Variants in FAM221A observed in about 807,000 individuals in gnomAD.
FAM221A encodes family with sequence similarity 221 member A.
In FAM221A, 43 loss-of-function variants were observed where a neutral mutation model predicts 37.6. The ratio of observed to expected loss-of-function variants is 1.15; its 90% CI spans 0.90 to 1.48. FAM221A has a LOEUF of 1.48. Ranked by LOEUF, FAM221A falls within the 40% of genes most tolerant of loss-of-function variation. The pLI, the probability that FAM221A is intolerant of heterozygous loss-of-function variation, is 0.00. For synonymous variants in FAM221A, 135 were observed against 132.9 expected (o/e 1.02, Z -0.11); for missense variants, 361 against 361.5 (o/e 1.00, Z 0.01).
chr7:23,680,390 A>G (rs538706231), intron 1 of FAM221A, 107 bp downstream of exon 1: 68 of 832,858 alleles, frequency 8.2e-5, no homozygotes, highest in Non-Finnish European at 1.2e-4. Flanking sequence ...GGTTCCCGGA[A>G]TCTGTGCCTG....
At chr7:23,680,332 G>C in intron 1 of FAM221A, 49 bp downstream of exon 1, 1 of 1,471,174 alleles carries the variant, frequency 6.8e-7, no homozygotes, top group Non-Finnish European at 9.2e-7. Flanking sequence ...GAGGGGCCAG[G>C]ATCCCTGGGC....
intron 3 of FAM221A, among the ~76,000 whole-genome samples, chr7:23,689,704 T>C (rs1483722169): frequency 6.6e-6 from 1 of 152,202 alleles, no homozygotes; most frequent in Non-Finnish European, 1.5e-5. Context: ...CCTCATCTCA[T>C]ATAGTTCAGA....
chr7:23,688,507 A>G lies in FAM221A; in HGVS notation c.240-762A>G, dbSNP rs571461606. On this transcript the variant is annotated intron_variant, in intron 2 of 6. Coordinates refer to ENST00000344962, the MANE Select transcript of FAM221A (RefSeq NM_199136.5). ...AATATTGATAATTTATTTTGAAGTC[A>G]AAAGTCATATTAAAATAAATTACAT... 6 of 152,356 alleles carry G rather than the reference A, an allele frequency of 3.9e-5. No individual in the cohort carries two copies. In the South Asian group the frequency reaches 1.2e-3, roughly 32 times the overall value. The allele number at this position is 152,356 out of a possible 1,614,324, so 9.4% of individuals were successfully genotyped here. A position where few individuals can be genotyped will look rare whatever the true frequency, so the allele number is the denominator to read the frequency against.
chr7:23,686,193 A>G (rs11767546), intron 2 of FAM221A: 28,179 of 318,658 alleles, frequency 0.088, 1,506 homozygotes, highest in East Asian at 0.14. Context: ...TTCTTACACA[A>G]ATTTAGTGCC....
intron 3 of FAM221A, among the ~76,000 whole-genome samples, chr7:23,690,555 A>G (rs6461725): frequency 0.88 from 134,449 of 152,024 alleles, 59,664 homozygotes; most frequent in African/African-American, 0.96. Context: ...TTTTGTTAAT[A>G]GTATATTCTG....
At chr7:23,695,455 C>G (rs535697279) in intron 4 of FAM221A, among the ~76,000 whole-genome samples, 2 of 152,280 alleles carry the variant, frequency 1.3e-5, no homozygotes, top group African/African-American at 4.8e-5. Context: ...TCACTGCAAT[C>G]TCTGCCTCCT....
chr7:23,690,243 C>T (rs1230716002), intron 3 of FAM221A, among the ~76,000 whole-genome samples: 2 of 134,998 alleles, frequency 1.5e-5, no homozygotes, highest in African/African-American at 5.5e-5. Context: ...CACCCAGGCT[C>T]TTGTCACCAG....
At position 23,689,422 on chromosome 7, in the gene FAM221A, TC is replaced by T; in HGVS notation, c.394del (p.Gln132SerfsTer37). ...GCTGCAGGTGCAAACACTTTGCTGA[TC>T]AGCACAGTGCTGCGCCTGGCTTTAC... ...IRCRCKHFAD[Q>X]HSAAPGFTCN... is the part of the protein sequence containing the mutation. On this transcript the variant is annotated frameshift_variant, in exon 3 of 7. Coordinates refer to ENST00000344962, the MANE Select transcript of FAM221A (RefSeq NM_199136.5). LOFTEE classifies it high-confidence loss of function. The T allele has an allele frequency of 6.2e-7, 1 of 1,600,094 alleles. No individual in the cohort carries two copies. Among genetic ancestry groups the T allele is most frequent in the Non-Finnish European group, 8.6e-7 (1 of 1,168,904 alleles).
At chr7:23,694,173 C>T (rs1383734268) in intron 4 of FAM221A, 1 of 152,194 alleles carries the variant, frequency 6.6e-6, no homozygotes, top group Non-Finnish European at 1.5e-5. Context: ...TACATGAACT[C>T]ATTCTTTTTT....
At chr7:23,696,748 G>T (rs538098315) in intron 4 of FAM221A, among the ~76,000 whole-genome samples, 1 of 152,192 alleles carries the variant, frequency 6.6e-6, no homozygotes, top group Admixed American at 6.5e-5. Context: ...TGAGAGTAAG[G>T]AGAGGAAATA....
Position 23,689,251 on chromosome 7 carries a change from CTCTT to C in FAM221A, c.240-14_240-11del, listed in dbSNP as rs1381362875. ...ACCTGTATTGTGTTTATATTTCTCTCTCTTTCTCCTTTTTTAGGTATAAACAACA... is the reference window on the plus strand; with the variant it reads ...ACCTGTATTGTGTTTATATTTCTCTCTCTCCTTTTTTAGGTATAAACAACA... On this transcript the variant is annotated splice_polypyrimidine_tract_variant and intron_variant, in intron 2 of 6. Transcript: ENST00000344962. The C allele has an allele frequency of 6.7e-7, 1 of 1,488,350 alleles. No homozygotes were observed. The highest frequency in any genetic ancestry group is 9.2e-7 in the Non-Finnish European group (1 of 1,092,456). 92.2% of individuals were successfully genotyped at this position (1,488,350 alleles called of 1,614,324 possible).
At position 23,696,660 on chromosome 7, in the gene FAM221A, C is replaced by T. The variant is rs761606228; in HGVS notation, c.638-1532C>T. On this transcript the variant is annotated intron_variant, in intron 4 of 6. Coordinates refer to ENST00000344962, the MANE Select transcript of FAM221A (RefSeq NM_199136.5). ...ATGCAGTCCATTGTTGACCAAAATG[C>T]CTTATGTAACACATGATTTCATAGG... Among the ~76,000 whole-genome samples the T allele has an allele frequency of 3.9e-5, 6 of 152,272 alleles. No individual in the cohort carries two copies. The South Asian group carries it at 1.0e-3, about 26-fold the overall frequency.
Position 23,680,282 on chromosome 7 carries a change from A to T in FAM221A, c.64A>T (p.Arg22Ter). The change falls in exon 1 of 7, where the codon AGA (arginine) becomes TGA (stop). Residue 22 changes from arginine (R) to a stop codon, truncating the protein, a stop_gained and splice_region_variant. Transcript: ENST00000344962. LOFTEE classifies it high-confidence loss of function. ...AAVDEYLEYRRIVGEDDGGKL... is the reference protein window; with the variant it reads ...AAVDEYLEYR Reference sequence around the variant, plus strand: ...GGTGGACGAGTACCTGGAGTACCGGAGGTGAGGCTGTGGCTCCGGGCCTGC... The same window carrying T: ...GGTGGACGAGTACCTGGAGTACCGGTGGTGAGGCTGTGGCTCCGGGCCTGC... 1.9e-6 allele frequency: 3 copies of T among 1,545,362 alleles called. No homozygotes were observed. The highest frequency in any genetic ancestry group is 2.6e-6 in the Non-Finnish European group (3 of 1,144,836).
intron 4 of FAM221A, among the ~76,000 whole-genome samples, chr7:23,695,114 G>T (rs973397323): frequency 2.0e-5 from 3 of 152,104 alleles, no homozygotes; most frequent in Non-Finnish European, 2.9e-5. Flanking sequence ...GCCTGTGGGC[G>T]CATGCCAGTA....
intron 4 of FAM221A, chr7:23,694,485 C>A (rs1366305026): frequency 6.6e-6 from 1 of 152,124 alleles, no homozygotes; most frequent in Non-Finnish European, 1.5e-5. Context: ...TAGGCTCAAG[C>A]AACAGCTAAA....
At chr7:23,686,350 ACC>A (rs1784369485) in intron 2 of FAM221A, 1 of 405,698 alleles carries the variant, frequency 2.5e-6, no homozygotes, top group Non-Finnish European at 4.9e-6. Context: ...TGCAGCCTCG[ACC>A]TCCTGGGCTC....
At chr7:23,689,530 T>G in intron 3 of FAM221A, 71 bp downstream of exon 3, 1 of 1,174,252 alleles carries the variant, frequency 8.5e-7, no homozygotes, top group Non-Finnish European at 1.2e-6. Flanking sequence ...TAACGTGCTT[T>G]TTTACTGGTT....
chr7:23,688,381 A>G (rs1047271903), intron 2 of FAM221A: 4 of 152,184 alleles, frequency 2.6e-5, no homozygotes, highest in Non-Finnish European at 5.9e-5. Context: ...ATTGAGAATA[A>G]TAAATTTAGT....
At position 23,702,166 on chromosome 7, in the gene FAM221A, G is replaced by C. The variant is rs1464195961; in HGVS notation, c.*2G>C. 1 of 1,567,482 alleles carries C rather than the reference G, an allele frequency of 6.4e-7. No individual in the cohort carries two copies. Among genetic ancestry groups the C allele is most frequent in the Non-Finnish European group, 8.7e-7 (1 of 1,153,158 alleles). On this transcript the variant is annotated 3_prime_UTR_variant, in exon 7 of 7. Transcript: ENST00000344962. The stretch of plus-strand genomic sequence containing the variant: ...CCATCAGCTACAAAACCTTCATGAA[G>C]ACTATTGGAGAAATTAAAACCATCA...
Sources: allele counts gnomAD v4.1 joint callset (sites outside exome capture counted in the v4.1 genomes callset), GRCh38; gene constraint gnomAD v4.1.1; transcripts MANE v1.5; gene names NCBI Gene and HGNC (gene_info 2026-07-23, HGNC 2026-07-21).